Variants in ANKRD17 observed in about 807,000 individuals in gnomAD.
The protein encoded by ANKRD17 is ankyrin repeat domain 17, also known as ankyrin repeat domain-containing protein 17.
In ANKRD17, 19 loss-of-function variants were observed where a neutral mutation model predicts 229.7. That is an observed-to-expected ratio of 0.08 (90% CI 0.06 to 0.12). The LOEUF is 0.12. Ranked by LOEUF, ANKRD17 falls within the 10% of genes least tolerant of loss-of-function variation. The pLI is 1.00. For synonymous variants in ANKRD17, 1,112 were observed against 1,146.1 expected, an observed-to-expected ratio of 0.97 and a Z score of 0.60; for missense variants, 2,176 against 3,176.8, an observed-to-expected ratio of 0.68 and a Z score of 7.57.
chr4:73,240,806 C>CTTTTTTTTTTTTTT (rs111961579), intron 1 of ANKRD17, among the ~76,000 whole-genome samples: 1 of 127,056 alleles, frequency 7.9e-6, no homozygotes, highest in South Asian at 2.5e-4. Context: ...AGTACTTATT[C>CTTTTTTTTTTTTTT]TTTTTTTTTT....
chr4:73,109,842 T>C (rs1733596544), intron 24 of ANKRD17, among the ~76,000 whole-genome samples: 1 of 151,978 alleles, frequency 6.6e-6, no homozygotes, highest in Non-Finnish European at 1.5e-5. Flanking sequence ...TAAATGGTTC[T>C]TACCATTTAT....
At chr4:73,207,845 C>T (rs1463456801) in intron 1 of ANKRD17, among the ~76,000 whole-genome samples, 1 of 152,118 alleles carries the variant, frequency 6.6e-6, no homozygotes, top group Non-Finnish European at 1.5e-5. Flanking sequence ...TTCAACATTC[C>T]TCTCTCAGAT....
chr4:73,159,589 T>A lies in ANKRD17; in HGVS notation c.704+1603A>T, dbSNP rs376694708. ...ATATAATTCTCACAAATATGTTCTA[T>A]TTTTTTTGCTGTTAAATTCCAGTAT... On this transcript the variant is annotated intron_variant, in intron 3 of 33. Transcript: ENST00000358602. 3.3e-5 allele frequency among the ~76,000 whole-genome samples: 5 copies of A among 151,942 alleles called. 1 individual carries two copies. The South Asian group carries it at 1.0e-3, about 32-fold the overall frequency.
In ANKRD17 at chr4:73,179,482, GTGTGTGTA is replaced by G. The variant is rs1484163358; in HGVS notation, c.394-1957_394-1950del. 1.0e-4 allele frequency among the ~76,000 whole-genome samples: 6 copies of G among 59,358 alleles called. No homozygotes were observed. The East Asian group carries it at 4.5e-3, about 44-fold the overall frequency. The allele number at this position is 59,358 out of a possible 152,430, so 38.9% of individuals were successfully genotyped here. On this transcript the variant is annotated intron_variant, in intron 1 of 33. Transcript: ENST00000358602. ...TATGTATATATGTGTGTGTGTGTGTGTGTGTGTATATATATATATATATATATATATAT... is the reference window on the plus strand; with the variant it reads ...TATGTATATATGTGTGTGTGTGTGTGTATATATATATATATATATATATAT...
At chr4:73,179,078 G>A (rs147591937) in intron 1 of ANKRD17, among the ~76,000 whole-genome samples, 317 of 151,990 alleles carry the variant, frequency 2.1e-3, no homozygotes, top group African/African-American at 7.3e-3. Flanking sequence ...CCTCAGAAAC[G>A]ATACTGTTCC....
At chr4:73,146,612 T>G in intron 10 of ANKRD17, 152 bp downstream of exon 10, 1 of 560,436 alleles carries the variant, frequency 1.8e-6, no homozygotes, top group African/African-American at 1.9e-5. Context: ...TGGAAAAAAA[T>G]GTGACTAAGT....
intron 15 of ANKRD17, 55 bp downstream of exon 15, chr4:73,139,476 T>C: frequency 2.0e-6 from 3 of 1,532,786 alleles, no homozygotes; most frequent in Non-Finnish European, 2.6e-6. Context: ...GGGTACATTC[T>C]TACTCGCCTT....
intron 23 of ANKRD17, among the ~76,000 whole-genome samples, chr4:73,115,349 G>A (rs1400753604): frequency 6.6e-6 from 1 of 152,118 alleles, no homozygotes; most frequent in East Asian, 1.9e-4. Flanking sequence ...GGAGTACAAT[G>A]GCACACTCTT....
At chr4:73,246,848 C>T (rs986844384) in intron 1 of ANKRD17, among the ~76,000 whole-genome samples, 21 of 152,002 alleles carry the variant, frequency 1.4e-4, no homozygotes, top group African/African-American at 5.1e-4. Flanking sequence ...GAAACAGACA[C>T]AAGAATTAAA....
intron 7 of ANKRD17, among the ~76,000 whole-genome samples, chr4:73,151,095 C>T (rs186401670): frequency 1.3e-3 from 200 of 152,122 alleles, no homozygotes; most frequent in Non-Finnish European, 7.2e-4. Flanking sequence ...TGCTGGCATC[C>T]ATTTTAATTT....
At chr4:73,186,702 C>T (rs565069197) in intron 1 of ANKRD17, among the ~76,000 whole-genome samples, 2 of 152,174 alleles carry the variant, frequency 1.3e-5, no homozygotes, top group East Asian at 1.9e-4. Context: ...TTAACATAAA[C>T]TTTACAAAGT....
intron 1 of ANKRD17, chr4:73,223,041 G>A (rs1288100267): frequency 6.5e-7 from 1 of 1,535,898 alleles, no homozygotes; most frequent in Non-Finnish European, 8.7e-7. Context: ...TTATCAAACT[G>A]CCATGTTTCT....
intron 1 of ANKRD17, among the ~76,000 whole-genome samples, chr4:73,184,234 AAATTAGTATATTTTGGCCGGGTGCGGTGG>A (rs1735965532): frequency 1.3e-5 from 2 of 152,224 alleles, no homozygotes; most frequent in African/African-American, 4.8e-5. Flanking sequence ...AAGGATAAGA[AAATTAGTATATTTTGGCCGGGTGCGGTGG>A]CTCACGCCTA....
chr4:73,145,597 T>TA (rs1415013081), intron 10 of ANKRD17, among the ~76,000 whole-genome samples: 1 of 152,196 alleles, frequency 6.6e-6, no homozygotes, highest in Non-Finnish European at 1.5e-5. Flanking sequence ...AGCCATATCC[T>TA]AGGTTTTTCT....
intron 1 of ANKRD17, among the ~76,000 whole-genome samples, chr4:73,234,495 T>C (rs184214924): frequency 2.1e-4 from 32 of 152,316 alleles, no homozygotes; most frequent in Admixed American, 2.0e-3. Flanking sequence ...AAAGATTACT[T>C]TAGAGTATAT....
chr4:73,198,881 T>C (rs559840088), intron 1 of ANKRD17, among the ~76,000 whole-genome samples: 92 of 152,224 alleles, frequency 6.0e-4, no homozygotes, highest in Non-Finnish European at 1.8e-4. Context: ...ATGTCAGGAA[T>C]TGTGAAGGTT....
chr4:73,247,005 T>G lies in ANKRD17; in HGVS notation c.393+11271A>C, dbSNP rs1486509160. On this transcript the variant is annotated intron_variant, in intron 1 of 33. Transcript: ENST00000358602. ...TACTAAACAATAAATTTTTCCATGT[T>G]GTGAAAACAATGTCAAGGGAGAATA... is the stretch of plus-strand genomic sequence containing the variant. 2.0e-5 allele frequency among the ~76,000 whole-genome samples: 3 copies of G among 152,098 alleles called. No individual in the cohort carries two copies. In the South Asian group the frequency reaches 6.2e-4, roughly 31 times the overall value.
At chr4:73,089,028 A>ATG (rs772107650) in intron 29 of ANKRD17, among the ~76,000 whole-genome samples, 23 of 151,786 alleles carry the variant, frequency 1.5e-4, no homozygotes, top group Admixed American at 7.2e-4. Flanking sequence ...TTTGTGTTGC[A>ATG]TGTTTATTCT....
intron 24 of ANKRD17, among the ~76,000 whole-genome samples, chr4:73,110,848 A>G (rs1725225388): frequency 1.3e-5 from 2 of 152,242 alleles, no homozygotes; most frequent in South Asian, 4.1e-4. Flanking sequence ...GAATTGATTA[A>G]TGATTAAGAA....
Sources: allele counts gnomAD v4.1 joint callset (sites outside exome capture counted in the v4.1 genomes callset), GRCh38; gene constraint gnomAD v4.1.1; transcripts MANE v1.5; gene names NCBI Gene and HGNC (gene_info 2026-07-23, HGNC 2026-07-21).